Variants in UVRAG observed in about 807,000 individuals in gnomAD.
UVRAG encodes the protein UV radiation resistance associated.
A neutral mutation model predicts 78.0 loss-of-function variants in UVRAG; 19 were observed. That is an observed-to-expected ratio of 0.24 (90% CI 0.17 to 0.36). The LOEUF (loss-of-function observed/expected upper bound fraction) is 0.36. Among genes scored for constraint, UVRAG ranks in the 10% least tolerant of loss-of-function variants. The probability of loss-of-function intolerance (pLI) is 1.00; values close to 1 mark genes in which losing one functional copy is unlikely to be tolerated. For synonymous variants in UVRAG, 323 were observed against 324.6 expected (o/e 1.00, Z 0.05); for missense variants, 740 against 853.8 (o/e 0.87, Z 1.66).
chr11:75,862,860 C>T (rs1319075716), intron 3 of UVRAG, among the ~76,000 whole-genome samples: 6 of 152,234 alleles, frequency 3.9e-5, no homozygotes, highest in African/African-American at 7.2e-5. Flanking sequence ...AATCTCGCTG[C>T]TCCTGTTACC....
At chr11:75,941,676 A>G (rs1948487395) in intron 6 of UVRAG, among the ~76,000 whole-genome samples, 1 of 152,082 alleles carries the variant, frequency 6.6e-6, no homozygotes, top group Non-Finnish European at 1.5e-5. Flanking sequence ...CCCCCCTGCA[A>G]CCTGATATTA....
At chr11:76,074,947 A>T (rs1031835215) in intron 13 of UVRAG, among the ~76,000 whole-genome samples, 1 of 152,094 alleles carries the variant, frequency 6.6e-6, no homozygotes, top group African/African-American at 2.4e-5. Flanking sequence ...TCCATCCAAA[A>T]CAGCTGGGAA....
chr11:75,939,319 TGAAC>T (rs1470106114), intron 6 of UVRAG, among the ~76,000 whole-genome samples: 2 of 152,140 alleles, frequency 1.3e-5, no homozygotes, highest in Non-Finnish European at 1.5e-5. Context: ...TGTTGAAACT[TGAAC>T]CAATCTTATG....
intron 12 of UVRAG, among the ~76,000 whole-genome samples, chr11:76,021,074 A>G (rs1004971767): frequency 1.3e-5 from 2 of 152,048 alleles, no homozygotes; most frequent in Non-Finnish European, 2.9e-5. Context: ...TCTGTATCTC[A>G]TGGCCGCTGC....
At chr11:75,838,136 C>G (rs1945825245) in intron 1 of UVRAG, among the ~76,000 whole-genome samples, 2 of 152,108 alleles carry the variant, frequency 1.3e-5, no homozygotes, top group Non-Finnish European at 2.9e-5. Flanking sequence ...TATTCCATAT[C>G]AGTGATCAAA....
chr11:76,135,709 T>TA (rs2134508274), intron 14 of UVRAG, among the ~76,000 whole-genome samples: 1 of 152,354 alleles, frequency 6.6e-6, no homozygotes, highest in Admixed American at 6.5e-5. Context: ...GACAGCCACT[T>TA]ACGGGAAATG....
intron 5 of UVRAG, among the ~76,000 whole-genome samples, chr11:75,900,808 A>C (rs531969475): frequency 6.6e-6 from 1 of 152,316 alleles, no homozygotes; most frequent in East Asian, 1.9e-4. Flanking sequence ...TAAATTTAAA[A>C]TAATTAATTT....
intron 14 of UVRAG, among the ~76,000 whole-genome samples, chr11:76,123,456 G>A (rs1243830959): frequency 1.3e-5 from 2 of 152,180 alleles, no homozygotes; most frequent in Non-Finnish European, 2.9e-5. Flanking sequence ...GTAGCCTAAA[G>A]CATATTTGCC....
intron 8 of UVRAG, among the ~76,000 whole-genome samples, chr11:75,992,944 T>C (rs1191868942): frequency 6.6e-6 from 1 of 152,232 alleles, no homozygotes; most frequent in Non-Finnish European, 1.5e-5. Flanking sequence ...TGAATATTAC[T>C]AGTGCGTTCT....
At chr11:76,104,466 TATAAC>T (rs1337099080) in intron 13 of UVRAG, among the ~76,000 whole-genome samples, 2 of 152,204 alleles carry the variant, frequency 1.3e-5, no homozygotes, top group African/African-American at 2.4e-5. Context: ...AATGAAATAA[TATAAC>T]ATAAAATGCT....
In UVRAG at chr11:76,141,431, T is replaced by G; in HGVS notation, c.*18T>G. On this transcript the variant is annotated 3_prime_UTR_variant, in exon 15 of 15. Coordinates refer to ENST00000356136, the MANE Select transcript of UVRAG (RefSeq NM_003369.4). Reference sequence around the variant, plus strand: ...ATAAGTGAAGTGAGCAGGTCAACAGTAGGACTGGGGCAGAAGCTCTGCCTA... The same window carrying G: ...ATAAGTGAAGTGAGCAGGTCAACAGGAGGACTGGGGCAGAAGCTCTGCCTA... 4.4e-6 allele frequency: 7 copies of G among 1,605,190 alleles called. No individual in the cohort carries two copies. Among genetic ancestry groups the G allele is most frequent in the Non-Finnish European group, 6.0e-6 (7 of 1,176,206 alleles).
At chr11:76,091,627 TTTTTCATTTTGG>T (rs1158434753) in intron 13 of UVRAG, among the ~76,000 whole-genome samples, 9 of 152,118 alleles carry the variant, frequency 5.9e-5, no homozygotes, top group Non-Finnish European at 1.2e-4. Flanking sequence ...TGCCCTTGTG[TTTTTCATTTTGG>T]CTTTCATATT....
At chr11:75,842,705 G>A (rs1945943607) in intron 1 of UVRAG, among the ~76,000 whole-genome samples, 1 of 152,066 alleles carries the variant, frequency 6.6e-6, no homozygotes. Flanking sequence ...CTCCCAAAGT[G>A]CCGGGATTAC....
intron 14 of UVRAG, among the ~76,000 whole-genome samples, chr11:76,122,053 T>G (rs1171028916): frequency 1.3e-5 from 2 of 152,174 alleles, no homozygotes; most frequent in African/African-American, 4.8e-5. Flanking sequence ...GTTCTACTCA[T>G]GGAATATGCT....
chr11:76,067,118 G>T (rs1166862212), intron 13 of UVRAG, among the ~76,000 whole-genome samples: 1 of 152,124 alleles, frequency 6.6e-6, no homozygotes, highest in South Asian at 2.1e-4. Flanking sequence ...TTTTTATTAA[G>T]ATTGTTGTTC....
At chr11:76,087,952 G>T (rs1465012171) in intron 13 of UVRAG, among the ~76,000 whole-genome samples, 1 of 152,192 alleles carries the variant, frequency 6.6e-6, no homozygotes, top group Non-Finnish European at 1.5e-5. Flanking sequence ...ACAGCTCACT[G>T]CAGCCTAGAC....
intron 12 of UVRAG, among the ~76,000 whole-genome samples, chr11:76,024,204 G>A (rs73496145): frequency 0.011 from 1,658 of 152,272 alleles, 30 homozygotes; most frequent in African/African-American, 0.038. Flanking sequence ...CCTTGAGATG[G>A]TAAATATTCT....
In UVRAG at chr11:75,839,737, G is replaced by T. The variant is rs1345937115; in HGVS notation, c.118-12146G>T. Among the ~76,000 whole-genome samples the T allele has an allele frequency of 4.9e-5, 7 of 141,654 alleles. No homozygotes were observed. The East Asian group carries it at 1.2e-3, about 25-fold the overall frequency. The allele number at this position is 141,654 out of a possible 152,430, so 92.9% of individuals were successfully genotyped here. A position where few individuals can be genotyped will look rare whatever the true frequency, so the allele number is the denominator to read the frequency against. Reference sequence around the variant, plus strand: ...TGGAAATTTCAATGTCTATTGAAATGTATATTTTATATATGAATATATTCA... The same window carrying T: ...TGGAAATTTCAATGTCTATTGAAATTTATATTTTATATATGAATATATTCA... On this transcript the variant is annotated intron_variant, in intron 1 of 14. Coordinates refer to ENST00000356136, the MANE Select transcript of UVRAG (RefSeq NM_003369.4).
intron 6 of UVRAG, among the ~76,000 whole-genome samples, chr11:75,945,951 T>G (rs1948579860): frequency 6.6e-6 from 1 of 152,146 alleles, no homozygotes; most frequent in South Asian, 2.1e-4. Flanking sequence ...ATGCTCCTTT[T>G]TTATGTTCAG....
Sources: allele counts gnomAD v4.1 joint callset (sites outside exome capture counted in the v4.1 genomes callset), GRCh38; gene constraint gnomAD v4.1.1; transcripts MANE v1.5; gene names NCBI Gene and HGNC (gene_info 2026-07-23, HGNC 2026-07-21).